The following TRABD2B variants were observed in gnomAD, a reference collection of about 807,000 sequenced individuals.
The protein encoded by TRABD2B is TraB domain containing 2B, also known as metalloprotease TIKI2.
In TRABD2B, 14 loss-of-function variants were observed where a neutral mutation model predicts 40.1. The ratio of observed to expected loss-of-function variants is 0.35; its 90% CI spans 0.23 to 0.55. TRABD2B has a LOEUF of 0.55. Ranked by LOEUF, TRABD2B falls within the 20% of genes least tolerant of loss-of-function variation. The probability of loss-of-function intolerance (pLI) is 0.90; values close to 1 mark genes in which losing one functional copy is unlikely to be tolerated. For missense variants in TRABD2B, 541 were observed against 648.6 expected (o/e 0.83, Z 1.80); for synonymous variants, 263 against 277.0 (o/e 0.95, Z 0.50).
At chr1:47,965,146 G>C (rs1282172783) in intron 2 of TRABD2B, among the ~76,000 whole-genome samples, 1 of 140,888 alleles carries the variant, frequency 7.1e-6, no homozygotes, top group Non-Finnish European at 1.5e-5. Flanking sequence ...CCAGGTTGCG[G>C]TTTCAACCAA....
intron 2 of TRABD2B, among the ~76,000 whole-genome samples, chr1:47,848,925 C>T (rs1645509410): frequency 6.6e-6 from 1 of 152,336 alleles, no homozygotes; most frequent in East Asian, 1.9e-4. Context: ...ATGGACATGG[C>T]TCCCTGAAAT....
intron 2 of TRABD2B, among the ~76,000 whole-genome samples, chr1:47,991,023 T>G (rs893906543): frequency 2.6e-5 from 4 of 151,012 alleles, no homozygotes; most frequent in African/African-American, 9.8e-5. Flanking sequence ...TTTTAAGCCC[T>G]CAAGTCCTAA....
chr1:47,818,608 T>A (rs1169037215), intron 2 of TRABD2B: 1 of 152,214 alleles, frequency 6.6e-6, no homozygotes, highest in Non-Finnish European at 1.5e-5. Flanking sequence ...AGCGGAAGCA[T>A]CAGCCAGTCA....
intron 2 of TRABD2B, among the ~76,000 whole-genome samples, chr1:47,849,623 G>A (rs1645520051): frequency 6.6e-6 from 1 of 152,226 alleles, no homozygotes; most frequent in Non-Finnish European, 1.5e-5. Context: ...TGAGATGGCA[G>A]AAGTTGTGTC....
chr1:47,794,519 G>A (rs1438646957), intron 4 of TRABD2B, 67 bp downstream of exon 4: 13 of 1,455,452 alleles, frequency 8.9e-6, no homozygotes, highest in African/African-American at 2.8e-5. Flanking sequence ...TGAAGTAGAG[G>A]TTAGGGGAGA....
At position 47,886,195 on chromosome 1, in the gene TRABD2B, C is replaced by G. The variant is rs114961937; in HGVS notation, c.667-84576G>C. 9.6e-3 allele frequency among the ~76,000 whole-genome samples: 1,463 copies of G among 152,300 alleles called. 19 individuals are homozygous for G. The highest frequency in any genetic ancestry group is 0.032 in the African/African-American group (1,336 of 41,562). On this transcript the variant is annotated intron_variant, in intron 2 of 6. Transcript: ENST00000606738. ...ACCCATCAGTTCAAACCTGATTCAT[C>G]ATCTAACCCACCTCCTCCAGGGAGC...
chr1:47,861,370 C>G (rs1428880359), intron 2 of TRABD2B, among the ~76,000 whole-genome samples: 1 of 151,928 alleles, frequency 6.6e-6, no homozygotes, highest in Non-Finnish European at 1.5e-5. Flanking sequence ...GACAGCACCC[C>G]CCACCCTGCA....
intron 2 of TRABD2B, among the ~76,000 whole-genome samples, chr1:47,825,843 G>C (rs1444173096): frequency 1.3e-5 from 2 of 149,556 alleles, no homozygotes; most frequent in East Asian, 4.1e-4. Flanking sequence ...GTAGGGCCTT[G>C]GACTGGGAGT....
intron 4 of TRABD2B, among the ~76,000 whole-genome samples, chr1:47,784,140 A>G (rs991630502): frequency 1.3e-5 from 2 of 152,162 alleles, no homozygotes; most frequent in African/African-American, 2.4e-5. Context: ...ATGAGGAAAC[A>G]GGCTCAGTGA....
chr1:47,961,410 C>T (rs1048660518), intron 2 of TRABD2B, among the ~76,000 whole-genome samples: 32 of 152,198 alleles, frequency 2.1e-4, no homozygotes, highest in South Asian at 1.2e-3. Context: ...GAAACTACCA[C>T]CAGAGTGAAC....
rs112488191 is a variant in TRABD2B, at chr1:47,762,543, C to T, written c.*3359G>A. On this transcript the variant is annotated 3_prime_UTR_variant, in exon 7 of 7. Transcript: ENST00000606738. The stretch of plus-strand genomic sequence containing the variant: ...GGGACAAGGGGCCTGAGCACCTAGG[C>T]TTGTCCAGGTCTAGCCGAGGCCAGG... The T allele has an allele frequency of 0.016, 2,411 of 152,336 alleles. 27 individuals carry two copies. The highest frequency in any genetic ancestry group is 0.026 in the Non-Finnish European group (1,767 of 68,036). 9.4% of individuals were successfully genotyped at this position (152,336 alleles called of 1,614,324 possible). A position where few individuals can be genotyped will look rare whatever the true frequency, so the allele number is the denominator to read the frequency against.
chr1:47,950,791 C>T (rs1368618080), intron 2 of TRABD2B, among the ~76,000 whole-genome samples: 36 of 152,370 alleles, frequency 2.4e-4, no homozygotes, highest in Non-Finnish European at 5.9e-5. Context: ...CCACCAACAC[C>T]TCCCTATGTG....
chr1:47,988,340 A>G (rs1307633078), intron 2 of TRABD2B, among the ~76,000 whole-genome samples: 1 of 152,210 alleles, frequency 6.6e-6, no homozygotes, highest in African/African-American at 2.4e-5. Flanking sequence ...CTCTCAGGGC[A>G]TAAAAGCAAT....
At chr1:47,779,592 C>T (rs1644493119) in intron 4 of TRABD2B, among the ~76,000 whole-genome samples, 1 of 152,178 alleles carries the variant, frequency 6.6e-6, no homozygotes, top group Admixed American at 6.5e-5. Flanking sequence ...TCAGGAGGCC[C>T]AGTGGCTCTG....
chr1:47,880,770 G>A (rs1644292072), intron 2 of TRABD2B, among the ~76,000 whole-genome samples: 2 of 152,242 alleles, frequency 1.3e-5, no homozygotes, highest in South Asian at 2.1e-4. Flanking sequence ...GATCCAGTTA[G>A]CAGGCTTCTC....
At chr1:47,914,824 T>C (rs565559974) in intron 2 of TRABD2B, among the ~76,000 whole-genome samples, 2 of 152,340 alleles carry the variant, frequency 1.3e-5, no homozygotes, top group South Asian at 4.1e-4. Flanking sequence ...AGAGCTTACC[T>C]GAGCCCTTCA....
At chr1:47,852,525 C>G (rs1645564357) in intron 2 of TRABD2B, among the ~76,000 whole-genome samples, 1 of 152,214 alleles carries the variant, frequency 6.6e-6, no homozygotes, top group African/African-American at 2.4e-5. Flanking sequence ...TTCCCTGCAG[C>G]CCACCAGGGC....
intron 2 of TRABD2B, among the ~76,000 whole-genome samples, chr1:47,855,783 T>C (rs1333487860): frequency 6.6e-6 from 1 of 152,214 alleles, no homozygotes; most frequent in Non-Finnish European, 1.5e-5. Context: ...TTCCTCTCTC[T>C]TTCCACTTTG....
At position 47,788,235 on chromosome 1, in the gene TRABD2B, C is replaced by T. The variant is rs113657489; in HGVS notation, c.988+6351G>A. 2.9e-3 allele frequency among the ~76,000 whole-genome samples: 436 copies of T among 152,166 alleles called. 8 individuals carry two copies. Among genetic ancestry groups the T allele is most frequent in the African/African-American group, 8.5e-3 (354 of 41,518 alleles). The stretch of plus-strand genomic sequence containing the variant: ...CCACTCTCTAGGGAGCAATTTCTAA[C>T]GTTATGAATTTTAAAAGGTGTTAAT... On this transcript the variant is annotated intron_variant, in intron 4 of 6. Transcript: ENST00000606738.
Sources: gnomAD v4.1 joint callset for allele counts (sites outside exome capture counted in the v4.1 genomes callset) on GRCh38, gnomAD v4.1.1 for gene constraint, MANE v1.5 for transcripts, NCBI Gene and HGNC (gene_info 2026-07-23, HGNC 2026-07-21) for gene names.